SMG7: variants seen among roughly 807,000 people sequenced by gnomAD.
SMG7 encodes the protein nonsense-mediated mRNA decay factor SMG7.
Under a neutral mutation model 148.2 loss-of-function variants are expected in SMG7, and 34 were observed. The observed-to-expected ratio is 0.23, with a 90% CI of 0.17 to 0.31. SMG7 has a LOEUF of 0.31. SMG7 is among the 10% of genes least tolerant of loss of function. The probability of loss-of-function intolerance (pLI) is 1.00; values close to 1 mark genes in which losing one functional copy is unlikely to be tolerated. For missense variants in SMG7, 1,114 were observed against 1,408.4 expected (o/e 0.79, Z 3.35); for synonymous variants, 492 against 515.1 (o/e 0.96, Z 0.61).
At chr1:183,548,299 TG>T (rs1670297058) in intron 18 of SMG7, among the ~76,000 whole-genome samples, 1 of 152,186 alleles carries the variant, frequency 6.6e-6, no homozygotes, top group Admixed American at 6.5e-5. Flanking sequence ...ACAGGGATTG[TG>T]GAAGCTCAGC....
At chr1:183,503,570 T>C (rs994436894) in intron 1 of SMG7, among the ~76,000 whole-genome samples, 2 of 152,214 alleles carry the variant, frequency 1.3e-5, no homozygotes, top group Non-Finnish European at 2.9e-5. Flanking sequence ...TAGGGTTTTT[T>C]ACTACAACTT....
At chr1:183,515,847 C>A in intron 2 of SMG7, 27 bp from the exon 3 acceptor site, 1 of 1,424,218 alleles carries the variant, frequency 7.0e-7, no homozygotes, top group Non-Finnish European at 9.9e-7. Context: ...ATCTATCTAC[C>A]GTTATGTTTT....
At chr1:183,550,561 C>T (rs1056713901) in intron 20 of SMG7, among the ~76,000 whole-genome samples, 190 bp from the exon 21 acceptor site, 1 of 152,072 alleles carries the variant, frequency 6.6e-6, no homozygotes, top group African/African-American at 2.4e-5. Context: ...AAGAATATGC[C>T]TTAGATATGT....
chr1:183,486,238 T>C (rs925459210), intron 1 of SMG7, among the ~76,000 whole-genome samples: 1 of 152,194 alleles, frequency 6.6e-6, no homozygotes, highest in Admixed American at 6.5e-5. Flanking sequence ...ATATATGAGA[T>C]TGCACTTACT....
At chr1:183,526,156 A>AT (rs369153968) in intron 4 of SMG7, among the ~76,000 whole-genome samples, 2,052 of 96,570 alleles carry the variant, frequency 0.021, 50 homozygotes, top group African/African-American at 0.075. Flanking sequence ...ATATATATAT[A>AT]TTTTTTTTTT....
Position 183,512,828 on chromosome 1 carries a change from T to TTTTTTC in SMG7, c.30-9_30-8insTTTTTC. ...ATACTCTTTTTTTTTTTTTTTTTTT[T>TTTTTTC]CTATCTAGGCAGGCAGAAGTCCTGA... On this transcript the variant is annotated splice_polypyrimidine_tract_variant and intron_variant, in intron 1 of 22. Coordinates refer to ENST00000688051, the MANE Select transcript of SMG7 (RefSeq NM_001375584.1). 6.4e-7 allele frequency: 1 copy of TTTTTTC among 1,571,388 alleles called. No homozygotes were observed. The highest frequency in any genetic ancestry group is 8.6e-7 in the Non-Finnish European group (1 of 1,165,800).
chr1:183,549,831 C>G lies in SMG7; in HGVS notation c.3041C>G (p.Ala1014Gly), dbSNP rs1341943932. ...AAAAACCTGACATCCAGCTCCAAAG[C>G]AGAACTCAGTCCCTCAATGGCCCCC... ...YGKNLTSSSK[A>G]ELSPSMAPQE... Residue 1014 changes from alanine to glycine, a missense_variant, in exon 20 of 23, where the codon GCA becomes GGA. This residue lies in a region of SMG7 where 788 missense variants were observed against 894.5 expected (regional missense o/e 0.88). Transcript: ENST00000688051. 1.2e-6 allele frequency: 2 copies of G among 1,613,688 alleles called. No individual in the cohort carries two copies. The highest frequency in any genetic ancestry group is 1.7e-4 in the Middle Eastern group (1 of 6,058).
At chr1:183,488,353 A>T (rs1656029662) in intron 1 of SMG7, among the ~76,000 whole-genome samples, 1 of 151,698 alleles carries the variant, frequency 6.6e-6, no homozygotes, top group Non-Finnish European at 1.5e-5. Context: ...AATAAAATGA[A>T]ATTTAAGATC....
At chr1:183,518,447 A>C (rs1404272396) in intron 4 of SMG7, among the ~76,000 whole-genome samples, 2 of 148,904 alleles carry the variant, frequency 1.3e-5, no homozygotes, top group Non-Finnish European at 2.9e-5. Flanking sequence ...GGATATAGCT[A>C]TAGTCATTAA....
chr1:183,472,780 G>A (rs1650997260), intron 1 of SMG7, 131 bp downstream of exon 1: 4 of 800,890 alleles, frequency 5.0e-6, no homozygotes, highest in Non-Finnish European at 7.1e-6. Context: ...CAGGTCGGCG[G>A]AGACTGCAAG....
chr1:183,502,490 T>C (rs1659958132), intron 1 of SMG7: 4 of 992,098 alleles, frequency 4.0e-6, no homozygotes, highest in Non-Finnish European at 5.5e-6. Flanking sequence ...AGAAACTTCC[T>C]GAAACATTTG....
chr1:183,486,217 G>A (rs1655378263), intron 1 of SMG7, among the ~76,000 whole-genome samples: 2 of 152,292 alleles, frequency 1.3e-5, no homozygotes, highest in South Asian at 4.1e-4. Flanking sequence ...CCCAGTAAAT[G>A]TTGGCTAATA....
intron 1 of SMG7, among the ~76,000 whole-genome samples, chr1:183,489,658 T>TAATG (rs1656438450): frequency 6.6e-6 from 1 of 152,172 alleles, no homozygotes; most frequent in Admixed American, 6.5e-5. Context: ...TTGTCTTCAA[T>TAATG]AATGGTGAGA....
chr1:183,525,132 G>A (rs1035007445), intron 4 of SMG7, among the ~76,000 whole-genome samples: 3 of 152,196 alleles, frequency 2.0e-5, no homozygotes, highest in Non-Finnish European at 4.4e-5. Context: ...GTGAAGAACT[G>A]TGTGCGGGGC....
intron 1 of SMG7, 97 bp downstream of exon 1, chr1:183,472,746 T>A (rs2101971813): frequency 8.9e-7 from 1 of 1,120,720 alleles, no homozygotes. Flanking sequence ...GGCGGGGGAG[T>A]TGCTGCGTCC....
intron 1 of SMG7, among the ~76,000 whole-genome samples, chr1:183,506,839 T>TTACA (rs1462481844): frequency 1.3e-5 from 2 of 151,756 alleles, no homozygotes; most frequent in Non-Finnish European, 2.9e-5. Context: ...TGGAAATATC[T>TTACA]TACATTTTTA....
chr1:183,547,317 T>A, intron 18 of SMG7, 65 bp downstream of exon 18: 1 of 1,363,272 alleles, frequency 7.3e-7, no homozygotes, highest in African/African-American at 1.5e-5. Flanking sequence ...GATACTGTAG[T>A]ACACAGATTA....
intron 1 of SMG7, among the ~76,000 whole-genome samples, chr1:183,506,875 CTTTTTT>C (rs71130622): frequency 8.9e-6 from 1 of 111,826 alleles, no homozygotes; most frequent in African/African-American, 3.3e-5. Flanking sequence ...ACTATATATT[CTTTTTT>C]TTTTTTTTTT....
intron 11 of SMG7, among the ~76,000 whole-genome samples, chr1:183,538,048 C>T (rs952199496): frequency 4.6e-5 from 7 of 152,136 alleles, no homozygotes; most frequent in African/African-American, 1.7e-4. Flanking sequence ...CAATGTTATT[C>T]AATACTTTCA....
Sources: gnomAD v4.1 joint callset for allele counts (sites outside exome capture counted in the v4.1 genomes callset) on GRCh38, gnomAD v4.1.1 for gene constraint, gnomAD v4.1.1 regional missense constraint, MANE v1.5 for transcripts, NCBI Gene and HGNC (gene_info 2026-07-23, HGNC 2026-07-21) for gene names.